RANBP2: variants seen among roughly 807,000 people sequenced by gnomAD.
RANBP2 encodes the protein E3 SUMO-protein ligase RanBP2.
A neutral mutation model predicts 303.6 loss-of-function variants in RANBP2; 57 were observed. The observed-to-expected ratio is 0.19, with a 90% confidence interval of 0.15 to 0.23. The LOEUF (loss-of-function observed/expected upper bound fraction) is 0.23, where lower values mean the gene tolerates loss of function less well. Among genes scored for constraint, RANBP2 ranks in the 10% least tolerant of loss-of-function variants. RANBP2 has a pLI of 1.00. For missense variants in RANBP2, 3,138 were observed against 3,780.8 expected (o/e 0.83, Z 4.46); for synonymous variants, 1,167 against 1,301.5 (o/e 0.90, Z 2.23).
the RANBP2 span, among the ~76,000 whole-genome samples, chr2:108,875,856 T>A: frequency 2.5e-4 from 38 of 152,102 alleles, no homozygotes; most frequent in Admixed American, 6.6e-4. Context: ...AGACCTTATC[T>A]CAAAAGAAAA....
the RANBP2 span, among the ~76,000 whole-genome samples, chr2:109,270,135 C>T: frequency 6.6e-6 from 1 of 152,248 alleles, no homozygotes; most frequent in Non-Finnish European, 1.5e-5. Context: ...TCCCAGCAGT[C>T]TCAGCCCCCA....
chr2:108,989,270 C>A, the RANBP2 span: 1 of 152,780 alleles, frequency 6.5e-6, no homozygotes. Context: ...AACTCACCTG[C>A]ACCATCTAGA....
At chr2:108,947,850 T>C in the RANBP2 span, among the ~76,000 whole-genome samples, 1 of 152,230 alleles carries the variant, frequency 6.6e-6, no homozygotes, top group Admixed American at 6.5e-5. Context: ...ACTATTAACA[T>C]TCAACTCCTT....
At chr2:109,184,469 CCT>C in the RANBP2 span, among the ~76,000 whole-genome samples, 1 of 152,298 alleles carries the variant, frequency 6.6e-6, no homozygotes, top group African/African-American at 2.4e-5. Context: ...GCTCTGGTCC[CCT>C]GTCTGTCCCA....
At chr2:109,616,209 T>C in the RANBP2 span, 2 of 1,292,014 alleles carry the variant, frequency 1.5e-6, no homozygotes, top group Non-Finnish European at 1.0e-6. Flanking sequence ...CGGAGTTCTC[T>C]TCAGGCTAGC....
chr2:109,482,982 A>G, the RANBP2 span, among the ~76,000 whole-genome samples: 1 of 152,234 alleles, frequency 6.6e-6, no homozygotes, highest in African/African-American at 2.4e-5. Context: ...TAGCTGGTGC[A>G]CAATTTTTCT....
chr2:108,900,371 C>G, the RANBP2 span, among the ~76,000 whole-genome samples: 12 of 152,142 alleles, frequency 7.9e-5, no homozygotes, highest in Non-Finnish European at 1.8e-4. Flanking sequence ...GCCTGGTCAA[C>G]ACGGTGAAAC....
chr2:108,827,177 C>T, the RANBP2 span, among the ~76,000 whole-genome samples: 1 of 152,042 alleles, frequency 6.6e-6, no homozygotes, highest in South Asian at 2.1e-4. Context: ...CATTGAAAGG[C>T]AGACCTATTT....
chr2:108,810,136 C>A, the RANBP2 span, among the ~76,000 whole-genome samples: 1 of 152,124 alleles, frequency 6.6e-6, no homozygotes, highest in Admixed American at 6.5e-5. Context: ...TCTTTTATTT[C>A]TTTTTCTTGC....
the RANBP2 span, among the ~76,000 whole-genome samples, chr2:109,369,105 G>A: frequency 2.0e-5 from 3 of 152,106 alleles, no homozygotes; most frequent in Admixed American, 2.0e-4. Flanking sequence ...AGCACTTTGG[G>A]AGGCCGAGGT....
the RANBP2 span, among the ~76,000 whole-genome samples, chr2:109,596,749 T>A: frequency 5.3e-5 from 8 of 152,236 alleles, no homozygotes; most frequent in African/African-American, 1.9e-4. Context: ...ATTCATTTAC[T>A]GTGTTTCTGA....
At chr2:109,581,578 G>A in the RANBP2 span, among the ~76,000 whole-genome samples, 1 of 150,942 alleles carries the variant, frequency 6.6e-6, no homozygotes, top group Non-Finnish European at 1.5e-5. Context: ...GGGAAGAAAT[G>A]GGACTGAACA....
At chr2:109,670,442 G>A in the RANBP2 span, among the ~76,000 whole-genome samples, 2 of 151,798 alleles carry the variant, frequency 1.3e-5, no homozygotes, top group Admixed American at 6.6e-5. Context: ...GATTGGGTGC[G>A]ATAACTTGGG....
the RANBP2 span, among the ~76,000 whole-genome samples, chr2:109,532,958 G>C: frequency 1.3e-5 from 2 of 152,160 alleles, no homozygotes; most frequent in South Asian, 4.1e-4. Context: ...TCACTGGCCA[G>C]GTGCATGCTT....
the RANBP2 span, among the ~76,000 whole-genome samples, chr2:109,076,438 T>TA: frequency 2.3e-5 from 3 of 130,662 alleles, no homozygotes; most frequent in Non-Finnish European, 5.2e-5. Flanking sequence ...GAAAAAGAAA[T>TA]AAAAAATATC....
the RANBP2 span, among the ~76,000 whole-genome samples, chr2:109,381,465 C>A: frequency 6.6e-6 from 1 of 152,180 alleles, no homozygotes; most frequent in African/African-American, 2.4e-5. Flanking sequence ...AGAGTTCTCA[C>A]ACCTACCCTC....
chr2:109,430,591 C>T, the RANBP2 span, among the ~76,000 whole-genome samples: 4 of 152,192 alleles, frequency 2.6e-5, no homozygotes, highest in Admixed American at 2.0e-4. Context: ...CTCCTCCCCT[C>T]CAGCTTCCCT....
In RANBP2 at chr2:108,782,647, G is replaced by C. The variant is rs775739392; in HGVS notation, c.9154G>C (p.Val3052Leu). The C allele has an allele frequency of 2.6e-5, 42 of 1,614,098 alleles. No homozygotes were observed. Among genetic ancestry groups the C allele is most frequent in the Non-Finnish European group, 3.4e-6 (4 of 1,180,050 alleles). The change falls in exon 28 of 29, where the codon GTA becomes CTA. Residue 3052 changes from valine (V) to leucine (L), a missense_variant. Physicochemically the swap from Val to Leu is conservative, Grantham distance 32 (BLOSUM62 1). This residue lies in a region of RANBP2 where 204 missense variants were observed against 228.4 expected (regional missense o/e 0.89). Transcript: ENST00000283195. ...TTTAATGAAACTCCAGAAAGGACATGTATCACTGGCAGCAGAATTATCAAA... is the reference window on the plus strand; with the variant it reads ...TTTAATGAAACTCCAGAAAGGACATCTATCACTGGCAGCAGAATTATCAAA... ...QNLMKLQKGH[V>L]SLAAELSKET...
chr2:109,287,511 C>T, the RANBP2 span, among the ~76,000 whole-genome samples: 6 of 152,350 alleles, frequency 3.9e-5, no homozygotes, highest in East Asian at 9.6e-4. Flanking sequence ...TGGGACACTA[C>T]GCTCAGGTGA....
Sources: gnomAD v4.1 joint callset for allele counts (sites outside exome capture counted in the v4.1 genomes callset) on GRCh38, gnomAD v4.1.1 for gene constraint, gnomAD v4.1.1 regional missense constraint, MANE v1.5 for transcripts, NCBI Gene and HGNC (gene_info 2026-07-23, HGNC 2026-07-21) for gene names.